Variants in HS3ST3B1 observed in about 807,000 individuals in gnomAD.
HS3ST3B1 encodes the protein heparan sulfate glucosamine 3-O-sulfotransferase 3B1.
In HS3ST3B1, 13 loss-of-function variants were observed where a neutral mutation model predicts 21.3. The observed-to-expected ratio is 0.61, with a 90% confidence interval of 0.40 to 0.97. The LOEUF is 0.97. Ranked by LOEUF, HS3ST3B1 falls within the 50% of genes least tolerant of loss-of-function variation. The pLI, the probability that HS3ST3B1 is intolerant of heterozygous loss-of-function variation, is 0.00. For synonymous variants in HS3ST3B1, 234 were observed against 254.8 expected, an observed-to-expected ratio of 0.92 and a Z score of 0.78; for missense variants, 459 against 554.8, an observed-to-expected ratio of 0.83 and a Z score of 1.73.
chr17:14,340,379 T>C (rs1910336486), intron 1 of HS3ST3B1, among the ~76,000 whole-genome samples: 1 of 151,964 alleles, frequency 6.6e-6, no homozygotes, highest in Admixed American at 6.6e-5. Flanking sequence ...TTACCCCTCA[T>C]GGCGCCTCGT....
At chr17:14,319,753 G>A (rs1909600106) in intron 1 of HS3ST3B1, among the ~76,000 whole-genome samples, 2 of 152,096 alleles carry the variant, frequency 1.3e-5, no homozygotes, top group Non-Finnish European at 2.9e-5. Context: ...GGGAGAAAAG[G>A]GACACTATAG....
rs73257310 is a variant in HS3ST3B1 at position 14,334,642 on chromosome 17, A to G, written c.555-10386A>G. On this transcript the variant is annotated intron_variant, in intron 1 of 1. Transcript: ENST00000360954. ...GACATCTCATTATCACCCAAAGTTC[A>G]TAGTTTACACTGGGGTTCACTGGTG... 3.9e-3 allele frequency among the ~76,000 whole-genome samples: 590 copies of G among 152,288 alleles called. 4 individuals are homozygous for G. Among genetic ancestry groups the G allele is most frequent in the African/African-American group, 0.013 (534 of 41,564 alleles).
intron 1 of HS3ST3B1, among the ~76,000 whole-genome samples, chr17:14,327,005 C>T (rs561604930): frequency 2.0e-5 from 3 of 150,798 alleles, no homozygotes; most frequent in South Asian, 2.1e-4. Flanking sequence ...CAATTTTTCA[C>T]GTTTCTCATT....
At chr17:14,307,708 T>C (rs1226107584) in intron 1 of HS3ST3B1, among the ~76,000 whole-genome samples, 1 of 152,194 alleles carries the variant, frequency 6.6e-6, no homozygotes, top group Admixed American at 6.5e-5. Flanking sequence ...ATGTCAGTAG[T>C]TTTTTGAATA....
chr17:14,302,207 A>C, intron 1 of HS3ST3B1, 135 bp downstream of exon 1: 1 of 1,078,404 alleles, frequency 9.3e-7, no homozygotes, highest in Non-Finnish European at 1.3e-6. Context: ...ACTACGGCAG[A>C]TTGCGCAGCG....
rs371710850 is a variant in HS3ST3B1, at chr17:14,311,223, C to T, written c.554+9151C>T. Among the ~76,000 whole-genome samples the T allele has an allele frequency of 7.5e-4, 105 of 140,210 alleles. No individual in the cohort carries two copies. The South Asian group carries it at 0.026, about 35-fold the overall frequency. The allele number at this position is 140,210 out of a possible 152,430, so 92.0% of individuals were successfully genotyped here. On this transcript the variant is annotated intron_variant, in intron 1 of 1. Transcript: ENST00000360954. Reference sequence around the variant, plus strand: ...AGCAGGGACTACAGGTGCACACCACCATGCCTGGCTAATTAAAAAAAAAAA... The same window carrying T: ...AGCAGGGACTACAGGTGCACACCACTATGCCTGGCTAATTAAAAAAAAAAA...
intron 1 of HS3ST3B1, among the ~76,000 whole-genome samples, chr17:14,323,710 G>T (rs1008872644): frequency 2.6e-5 from 4 of 152,078 alleles, no homozygotes; most frequent in African/African-American, 9.7e-5. Context: ...TCCTCAGTTT[G>T]TTACCTGATA....
chr17:14,302,223 T>G, intron 1 of HS3ST3B1, 151 bp downstream of exon 1: 1 of 985,504 alleles, frequency 1.0e-6, no homozygotes, highest in Non-Finnish European at 1.5e-6. Context: ...CAGCGCATCC[T>G]GTCCGGGTGC....
intron 1 of HS3ST3B1, among the ~76,000 whole-genome samples, chr17:14,335,648 C>T (rs1319014499): frequency 6.6e-6 from 1 of 151,706 alleles, no homozygotes; most frequent in Non-Finnish European, 1.5e-5. Flanking sequence ...GAGCCGAGAT[C>T]GCACCACTGC....
chr17:14,314,442 A>G (rs1909436728), intron 1 of HS3ST3B1, among the ~76,000 whole-genome samples: 1 of 152,224 alleles, frequency 6.6e-6, no homozygotes, highest in Non-Finnish European at 1.5e-5. Flanking sequence ...CTACCTCTGT[A>G]TCCCCTTCTG....
At chr17:14,339,613 G>A (rs1251566729) in intron 1 of HS3ST3B1, among the ~76,000 whole-genome samples, 1 of 152,172 alleles carries the variant, frequency 6.6e-6, no homozygotes, top group Non-Finnish European at 1.5e-5. Flanking sequence ...TTGAATTGGA[G>A]ATTACAATAA....
chr17:14,326,921 C>CAAAAAAAAAAAA (rs60800866), intron 1 of HS3ST3B1, among the ~76,000 whole-genome samples: 7 of 60,452 alleles, frequency 1.2e-4, no homozygotes, highest in Non-Finnish European at 2.2e-4. Flanking sequence ...AACTCTGTCT[C>CAAAAAAAAAAAA]AAAAAAAAAA....
At chr17:14,331,350 G>C (rs1211996628) in intron 1 of HS3ST3B1, among the ~76,000 whole-genome samples, 2 of 151,830 alleles carry the variant, frequency 1.3e-5, no homozygotes, top group Non-Finnish European at 2.9e-5. Flanking sequence ...ATTGTGAAGC[G>C]GGGCCTATAA....
chr17:14,343,784 C>A (rs563221496), intron 1 of HS3ST3B1, among the ~76,000 whole-genome samples: 1 of 152,222 alleles, frequency 6.6e-6, no homozygotes, highest in Admixed American at 6.5e-5. Flanking sequence ...TTGAATAATG[C>A]TATTATAAAA....
At chr17:14,326,139 G>A (rs1909809743) in intron 1 of HS3ST3B1, among the ~76,000 whole-genome samples, 1 of 152,170 alleles carries the variant, frequency 6.6e-6, no homozygotes, top group Non-Finnish European at 1.5e-5. Flanking sequence ...TTAGAAGAAG[G>A]AGGTCCAGAA....
chr17:14,338,566 C>T (rs1218524733), intron 1 of HS3ST3B1, among the ~76,000 whole-genome samples: 1 of 151,688 alleles, frequency 6.6e-6, no homozygotes, highest in Non-Finnish European at 1.5e-5. Flanking sequence ...CCTCAGCCTC[C>T]CAAGTAGCTG....
chr17:14,328,272 T>C (rs552372503), intron 1 of HS3ST3B1: 1 of 152,330 alleles, frequency 6.6e-6, no homozygotes, highest in South Asian at 2.1e-4. Context: ...GGATGTGAAA[T>C]GCACAAGGCA....
At position 14,318,108 on chromosome 17, in the gene HS3ST3B1, G is replaced by A. The variant is rs1468890131; in HGVS notation, c.554+16036G>A. Among the ~76,000 whole-genome samples, 10 of 152,094 alleles carry A rather than the reference G, an allele frequency of 6.6e-5. No individual in the cohort carries two copies. In the South Asian group the frequency reaches 1.2e-3, roughly 19 times the overall value. On this transcript the variant is annotated intron_variant, in intron 1 of 1. Transcript: ENST00000360954. ...TCCCTGCTGCCTCCTTGGGTAGCTT[G>A]GATGACTGTCCTAAGCACCTTCGTT... is the stretch of plus-strand genomic sequence containing the variant.
intron 1 of HS3ST3B1, among the ~76,000 whole-genome samples, chr17:14,311,690 C>T (rs1909309917): frequency 1.3e-5 from 2 of 152,188 alleles, no homozygotes; most frequent in African/African-American, 4.8e-5. Flanking sequence ...GGTGCACTTG[C>T]TCTTATCAAG....
Sources: allele counts gnomAD v4.1 joint callset (sites outside exome capture counted in the v4.1 genomes callset), GRCh38; gene constraint gnomAD v4.1.1; transcripts MANE v1.5; gene names NCBI Gene and HGNC (gene_info 2026-07-23, HGNC 2026-07-21).